UNC5C: variants seen among roughly 807,000 people sequenced by gnomAD.
UNC5C encodes the protein netrin receptor UNC5C.
A neutral mutation model predicts 99.8 loss-of-function variants in UNC5C; 47 were observed. The observed-to-expected ratio is 0.47, with a 90% CI of 0.37 to 0.60. The LOEUF (loss-of-function observed/expected upper bound fraction) is 0.60. Among genes scored for constraint, UNC5C ranks in the 20% least tolerant of loss-of-function variants. The pLI, the probability that UNC5C is intolerant of heterozygous loss-of-function variation, is 0.00. For missense variants in UNC5C, 1,062 were observed against 1,165.9 expected (o/e 0.91, Z 1.30); for synonymous variants, 487 against 452.2 (o/e 1.08, Z -0.98).
intron 2 of UNC5C, among the ~76,000 whole-genome samples, chr4:95,310,813 G>GGA (rs371617345): frequency 6.6e-6 from 1 of 151,982 alleles, no homozygotes; most frequent in African/African-American, 2.4e-5. Context: ...GTTGGGGGGG[G>GGA]ATTTCTAGTG....
intron 1 of UNC5C, among the ~76,000 whole-genome samples, chr4:95,375,212 T>C (rs188948027): frequency 2.0e-5 from 3 of 152,182 alleles, no homozygotes; most frequent in East Asian, 1.9e-4. Flanking sequence ...AGATACATAA[T>C]AGGAGTTCAG....
intron 1 of UNC5C, among the ~76,000 whole-genome samples, chr4:95,337,807 TTTTAA>T (rs765102825): frequency 4.2e-4 from 64 of 152,006 alleles, no homozygotes; most frequent in Non-Finnish European, 8.5e-4. Flanking sequence ...ATTAGAAATG[TTTTAA>T]TTTAATAAAT....
Position 95,434,950 on chromosome 4 carries a change from G to A in UNC5C, c.125-99319C>T, listed in dbSNP as rs549495661. 1.2e-4 allele frequency among the ~76,000 whole-genome samples: 19 copies of A among 152,158 alleles called. 1 individual carries two copies. The South Asian group carries it at 3.9e-3, about 32-fold the overall frequency. On this transcript the variant is annotated intron_variant, in intron 1 of 15. Transcript: ENST00000453304. ...GAGTACAGCAACACATCACAGAAGA[G>A]TTTTGCTCTTGCAGAAAAACGTACA...
intron 2 of UNC5C, among the ~76,000 whole-genome samples, chr4:95,318,878 C>T (rs1168757092): frequency 6.6e-6 from 1 of 152,192 alleles, no homozygotes; most frequent in Non-Finnish European, 1.5e-5. Flanking sequence ...TAACTCTATA[C>T]CATAGGACTA....
intron 1 of UNC5C, among the ~76,000 whole-genome samples, chr4:95,493,707 C>A (rs967583191): frequency 6.6e-6 from 1 of 151,360 alleles, no homozygotes; most frequent in Non-Finnish European, 1.5e-5. Context: ...TTAATGGCAT[C>A]CAGTAACTGG....
chr4:95,196,821 T>TATATTTATGTAATATATAATA (rs1560726704), intron 12 of UNC5C, among the ~76,000 whole-genome samples: 2 of 516 alleles, frequency 3.9e-3, no homozygotes, highest in African/African-American at 0.011. Context: ...TAATATATAT[T>TATATTTATGTAATATATAATA]TATATATTAT....
intron 7 of UNC5C, among the ~76,000 whole-genome samples, chr4:95,235,237 T>C (rs1369736687): frequency 6.6e-6 from 1 of 152,226 alleles, no homozygotes; most frequent in African/African-American, 2.4e-5. Context: ...TGGCCTATCC[T>C]CAACAGTTCT....
At chr4:95,207,469 T>C (rs919856071) in intron 10 of UNC5C, among the ~76,000 whole-genome samples, 1 of 152,222 alleles carries the variant, frequency 6.6e-6, no homozygotes, top group Non-Finnish European at 1.5e-5. Context: ...AAATTGCCTT[T>C]AATCTTTTCC....
intron 12 of UNC5C, among the ~76,000 whole-genome samples, chr4:95,201,855 T>C (rs577439409): frequency 2.4e-3 from 363 of 152,202 alleles, no homozygotes; most frequent in East Asian, 0.013. Flanking sequence ...CCACCCGCCT[T>C]AGCCTCCCAA....
At chr4:95,316,552 A>G (rs759070486) in intron 2 of UNC5C, among the ~76,000 whole-genome samples, 1 of 152,204 alleles carries the variant, frequency 6.6e-6, no homozygotes, top group Non-Finnish European at 1.5e-5. Context: ...TCAAGTGCAG[A>G]TAAAAATATG....
chr4:95,364,788 A>G (rs1744503430), intron 1 of UNC5C, among the ~76,000 whole-genome samples: 1 of 152,190 alleles, frequency 6.6e-6, no homozygotes, highest in Non-Finnish European at 1.5e-5. Context: ...GCCACACTGA[A>G]CAACCACTTC....
chr4:95,340,938 A>C (rs1012994145), intron 1 of UNC5C, among the ~76,000 whole-genome samples: 2 of 152,124 alleles, frequency 1.3e-5, no homozygotes, highest in East Asian at 3.9e-4. Context: ...TAATTTAATA[A>C]ATGCAATGTG....
chr4:95,476,615 C>A (rs538687460), intron 1 of UNC5C, among the ~76,000 whole-genome samples: 1 of 152,064 alleles, frequency 6.6e-6, no homozygotes, highest in East Asian at 1.9e-4. Context: ...AAATATTGTT[C>A]GTTCTGTTCT....
At chr4:95,255,816 C>T (rs1042812406) in intron 4 of UNC5C, among the ~76,000 whole-genome samples, 4 of 151,990 alleles carry the variant, frequency 2.6e-5, no homozygotes, top group Admixed American at 2.6e-4. Flanking sequence ...ACTCACCCCC[C>T]GCCCACCACC....
chr4:95,482,189 G>T (rs942857648), intron 1 of UNC5C, among the ~76,000 whole-genome samples: 1 of 151,646 alleles, frequency 6.6e-6, no homozygotes, highest in African/African-American at 2.4e-5. Context: ...CCATCAAAAA[G>T]TGGGCGAAGG....
chr4:95,547,961 A>T (rs912825261), intron 1 of UNC5C, among the ~76,000 whole-genome samples: 81 of 152,280 alleles, frequency 5.3e-4, no homozygotes, highest in Middle Eastern at 3.4e-3. Flanking sequence ...AAAATGTCAG[A>T]GTTATAAACT....
At chr4:95,429,288 A>T (rs1053251793) in intron 1 of UNC5C, among the ~76,000 whole-genome samples, 1 of 99,886 alleles carries the variant, frequency 1.0e-5, no homozygotes, top group Non-Finnish European at 2.4e-5. Flanking sequence ...CTTAAAAAAA[A>T]AAAAAAAAAC....
intron 7 of UNC5C, among the ~76,000 whole-genome samples, chr4:95,239,348 T>G (rs1739243865): frequency 6.6e-6 from 1 of 152,188 alleles, no homozygotes; most frequent in East Asian, 1.9e-4. Flanking sequence ...TTCCTACCAC[T>G]TTTTTCTATG....
intron 1 of UNC5C, among the ~76,000 whole-genome samples, chr4:95,535,006 T>C (rs566848369): frequency 1.3e-5 from 2 of 152,270 alleles, no homozygotes; most frequent in East Asian, 3.9e-4. Flanking sequence ...TCTTCCTGCT[T>C]TCTAATTATT....
Sources: gnomAD v4.1 joint callset for allele counts (sites outside exome capture counted in the v4.1 genomes callset) on GRCh38, gnomAD v4.1.1 for gene constraint, MANE v1.5 for transcripts, NCBI Gene and HGNC (gene_info 2026-07-23, HGNC 2026-07-21) for gene names.